Variants in FBN2 observed in about 807,000 individuals in gnomAD.
FBN2 encodes fibrillin-2.
In FBN2, 105 loss-of-function variants were observed where a neutral mutation model predicts 355.6. The ratio of observed to expected loss-of-function variants is 0.30; its 90% CI spans 0.25 to 0.35. The LOEUF is 0.35. FBN2 is among the 10% of genes least tolerant of loss of function. The pLI is 1.00. For missense variants in FBN2, 3,280 were observed against 3,758.7 expected (o/e 0.87, Z 3.33); for synonymous variants, 1,350 against 1,301.2 (o/e 1.04, Z -0.81).
rs1204772554 is a variant in FBN2 at position 128,350,958 on chromosome 5, C to T, written c.2722G>A (p.Glu908Lys). The T allele has an allele frequency of 1.1e-5, 18 of 1,614,096 alleles. No individual in the cohort carries two copies. The highest frequency in any genetic ancestry group is 1.5e-5 in the Non-Finnish European group (18 of 1,180,044). The change falls in exon 21 of 65, where the codon GAG (glutamate) becomes AAG (lysine). Residue 908 changes from glutamate to lysine, a missense_variant. Around this residue, in one of 6 missense-constraint regions of FBN2, gnomAD observed 2,284 missense variants for 2,749.5 expected, o/e 0.83. Coordinates refer to ENST00000262464, the MANE Select transcript of FBN2 (RefSeq NM_001999.4). ...AGAGTGGCTCCATTAATATTCACCT[C>T]ACAGCGGCTGTCCTGGATGTTGAGC... ...CWLNIQDSRCEVNINGATLKS... is the reference protein window; with the variant it reads ...CWLNIQDSRCKVNINGATLKS...
chr5:128,479,760 G>C (rs4385259), intron 5 of FBN2, among the ~76,000 whole-genome samples: 75,553 of 151,210 alleles, frequency 0.5, 22,082 homozygotes, highest in African/African-American at 0.82. Flanking sequence ...GACTCCATCT[G>C]TACAAAATAT....
intron 4 of FBN2, among the ~76,000 whole-genome samples, chr5:128,523,967 T>C (rs1194070305): frequency 6.6e-6 from 1 of 151,616 alleles, no homozygotes; most frequent in Non-Finnish European, 1.5e-5. Flanking sequence ...GACAGGTGAT[T>C]TTTTTTTAAT....
At chr5:128,532,240 G>A (rs1403226506) in intron 2 of FBN2, among the ~76,000 whole-genome samples, 1 of 152,084 alleles carries the variant, frequency 6.6e-6, no homozygotes, top group Non-Finnish European at 1.5e-5. Flanking sequence ...CCACAACCTA[G>A]CGTATTCCTA....
intron 9 of FBN2, 60 bp from the exon 10 acceptor site, chr5:128,393,428 C>CA: frequency 7.1e-7 from 1 of 1,411,566 alleles, no homozygotes; most frequent in Non-Finnish European, 1.0e-6. Context: ...TAACAAAAGC[C>CA]ATTGGTACAC....
At chr5:128,437,845 G>A (rs190156912) in intron 7 of FBN2, among the ~76,000 whole-genome samples, 6 of 152,010 alleles carry the variant, frequency 3.9e-5, no homozygotes, top group Non-Finnish European at 8.8e-5. Context: ...CAGAAAGACA[G>A]GAGAAATGCT....
chr5:128,369,061 T>TTTCTC, intron 16 of FBN2, 121 bp downstream of exon 16: 1 of 1,017,826 alleles, frequency 9.8e-7, no homozygotes, highest in South Asian at 1.3e-5. Context: ...CAGGATTGGA[T>TTTCTC]TTCTCTTCTT....
At chr5:128,396,858 T>A (rs1191554459) in intron 8 of FBN2, among the ~76,000 whole-genome samples, 1 of 152,226 alleles carries the variant, frequency 6.6e-6, no homozygotes, top group Non-Finnish European at 1.5e-5. Context: ...AGGATCTGCA[T>A]ATCAATAATG....
chr5:128,371,586 T>G (rs1751946510), intron 15 of FBN2, among the ~76,000 whole-genome samples: 1 of 144,084 alleles, frequency 6.9e-6, no homozygotes, highest in East Asian at 2.4e-4. Context: ...TGGAGTGCAA[T>G]GGCGTGGCAT....
rs1554068953 is a variant in FBN2, at chr5:128,434,394, G to GTATATATATATATGTATATATATA, written c.952+12086_952+12087insTATATATATACATATATATATATA. Among the ~76,000 whole-genome samples the GTATATATATATATGTATATATATA allele has an allele frequency of 5.3e-4, 49 of 91,670 alleles. 3 individuals carry two copies. Among genetic ancestry groups the GTATATATATATATGTATATATATA allele is most frequent in the African/African-American group, 1.5e-3 (25 of 16,576 alleles). 60.1% of individuals were successfully genotyped at this position (91,670 alleles called of 152,430 possible). The stretch of plus-strand genomic sequence containing the variant: ...CAATGCCTGGCAGTGAATAAAGTGT[G>GTATATATATATATGTATATATATA]TATATATATATATATATATATATAT... On this transcript the variant is annotated intron_variant, in intron 7 of 64. Transcript: ENST00000262464.
chr5:128,501,510 C>CAT (rs1755814692), intron 5 of FBN2, among the ~76,000 whole-genome samples: 1 of 152,116 alleles, frequency 6.6e-6, no homozygotes, highest in Non-Finnish European at 1.5e-5. Context: ...AACTATGTAC[C>CAT]ATACTATAAT....
chr5:128,373,464 T>G (rs1341722259), intron 15 of FBN2, among the ~76,000 whole-genome samples: 1 of 152,190 alleles, frequency 6.6e-6, no homozygotes, highest in Non-Finnish European at 1.5e-5. Context: ...CATCTGCAAA[T>G]TCTCTACTTC....
intron 7 of FBN2, among the ~76,000 whole-genome samples, chr5:128,412,760 T>C (rs535087436): frequency 2.0e-5 from 3 of 152,248 alleles, no homozygotes; most frequent in East Asian, 3.9e-4. Context: ...AGGTGATGAA[T>C]AGTGTCTATG....
intron 24 of FBN2, 118 bp downstream of exon 24, chr5:128,345,239 A>G: frequency 1.2e-6 from 1 of 859,636 alleles, no homozygotes; most frequent in South Asian, 1.4e-5. Flanking sequence ...ACAAAACCTA[A>G]GTTTAACTGA....
At chr5:128,338,790 G>T in intron 26 of FBN2, 143 bp downstream of exon 26, 1 of 980,818 alleles carries the variant, frequency 1.0e-6, no homozygotes. Context: ...TTTCCTGTCT[G>T]ACATTTAAAT....
chr5:128,300,976 G>T (rs539971766), intron 47 of FBN2, 40 bp from the exon 48 acceptor site: 2 of 1,592,146 alleles, frequency 1.3e-6, no homozygotes, highest in African/African-American at 1.3e-5. Context: ...TTAAGCATGA[G>T]ATAATTGTTA....
At position 128,286,856 on chromosome 5, in the gene FBN2, CAAAAAAT is replaced by C; in HGVS notation, c.6881-14_6881-8del. 6.2e-7 allele frequency: 1 copy of C among 1,613,652 alleles called. No individual in the cohort carries two copies. Among genetic ancestry groups the C allele is most frequent in the Non-Finnish European group, 8.5e-7 (1 of 1,179,710 alleles). On this transcript the variant is annotated splice_region_variant and splice_polypyrimidine_tract_variant and intron_variant, in intron 54 of 64. Transcript: ENST00000262464. The stretch of plus-strand genomic sequence containing the variant: ...TCAGCACATTCATCCAGATCTAGAA[CAAAAAAT>C]AAAAATTAAAAATTATCTGGAGCAA...
At chr5:128,268,681 T>G (rs1765182654) in intron 62 of FBN2, among the ~76,000 whole-genome samples, 1 of 152,232 alleles carries the variant, frequency 6.6e-6, no homozygotes, top group South Asian at 2.1e-4. Context: ...TCCACCATGA[T>G]AAAGTCGGCT....
At chr5:128,306,077 C>T in intron 42 of FBN2, 129 bp from the exon 43 acceptor site, 3 of 852,662 alleles carry the variant, frequency 3.5e-6, no homozygotes, top group Non-Finnish European at 5.6e-6. Context: ...CTATTATATA[C>T]TAGTATAGCT....
chr5:128,429,152 C>T (rs1351477209), intron 7 of FBN2, among the ~76,000 whole-genome samples: 2 of 152,168 alleles, frequency 1.3e-5, no homozygotes, highest in Admixed American at 6.5e-5. Context: ...AGGCTGTACT[C>T]CTTACCTTCT....
Sources: allele counts gnomAD v4.1 joint callset (sites outside exome capture counted in the v4.1 genomes callset), GRCh38; gene constraint gnomAD v4.1.1; regional missense constraint gnomAD v4.1.1; transcripts MANE v1.5; gene names NCBI Gene and HGNC (gene_info 2026-07-23, HGNC 2026-07-21).